KLRD1: variants seen among roughly 807,000 people sequenced by gnomAD.
The protein encoded by KLRD1 is natural killer cells antigen CD94.
In KLRD1, 21 loss-of-function variants were observed where a neutral mutation model predicts 22.6. The ratio of observed to expected loss-of-function variants is 0.93; its 90% CI spans 0.66 to 1.34. The LOEUF (loss-of-function observed/expected upper bound fraction) is 1.34. Among genes scored for constraint, KLRD1 ranks in the 40% most tolerant of loss-of-function variants. The pLI, the probability that KLRD1 is intolerant of heterozygous loss-of-function variation, is 0.00. For synonymous variants in KLRD1, 59 were observed against 71.1 expected (o/e 0.83, Z 0.85); for missense variants, 183 against 208.6 (o/e 0.88, Z 0.76).
At chr12:10,296,389 A>G (rs1415410510) in intron 1 of KLRD1, among the ~76,000 whole-genome samples, 2 of 151,978 alleles carry the variant, frequency 1.3e-5, no homozygotes, top group African/African-American at 2.4e-5. Context: ...GGTGGCGGAC[A>G]CCTGTAATCC....
chr12:10,311,392 G>T, intron 3 of KLRD1, 72 bp from the exon 4 acceptor site: 1 of 1,417,806 alleles, frequency 7.1e-7, no homozygotes, highest in Non-Finnish European at 9.8e-7. Flanking sequence ...AATAATTTTT[G>T]AATAATTAAA....
chr12:10,295,031 A>G (rs2617128), intron 1 of KLRD1, among the ~76,000 whole-genome samples: 137,496 of 152,184 alleles, frequency 0.9, 62,368 homozygotes, highest in Middle Eastern at 0.95. Context: ...GAAATGTTCT[A>G]TTTCTCGACT....
At chr12:10,300,587 G>A (rs1277779088), upstream of KLRD1, among the ~76,000 whole-genome samples, 1 of 152,154 alleles carries the variant, frequency 6.6e-6, no homozygotes, top group East Asian at 1.9e-4. Flanking sequence ...AGGCCCTAAA[G>A]TTTCAGAAAA....
chr12:10,303,560 G>C (rs73251088), upstream of KLRD1, among the ~76,000 whole-genome samples: 24 of 152,226 alleles, frequency 1.6e-4, 1 homozygote, highest in South Asian at 1.2e-3. Flanking sequence ...CTTTACAGAT[G>C]TAATTTTCCT....
intron 1 of KLRD1, among the ~76,000 whole-genome samples, chr12:10,246,088 C>A (rs574833855): frequency 1.3e-5 from 2 of 152,260 alleles, no homozygotes; most frequent in East Asian, 1.9e-4. Context: ...ATTGAGAGGG[C>A]AAATTTTATA....
Position 10,268,888 on chromosome 12 carries a change from T to A in KLRD1, c.-100-39090T>A, listed in dbSNP as rs536492544. On this transcript the variant is annotated intron_variant, in intron 1 of 5. Transcript: ENST00000544747. ...ATCTCTTGATAAGTGAACAAATTTT[T>A]ATCCCCAAGTTAAACCAGAATTTTA... 2.7e-4 allele frequency among the ~76,000 whole-genome samples: 41 copies of A among 152,362 alleles called. 1 individual carries two copies. The highest frequency in any genetic ancestry group is 9.6e-4 in the African/African-American group (40 of 41,584).
At chr12:10,245,026 C>A (rs1463746612) in intron 1 of KLRD1, among the ~76,000 whole-genome samples, 1 of 152,056 alleles carries the variant, frequency 6.6e-6, no homozygotes, top group Non-Finnish European at 1.5e-5. Context: ...TTACTATGTA[C>A]ATTTTACATA....
At chr12:10,284,467 G>A (rs7297855) in intron 1 of KLRD1, among the ~76,000 whole-genome samples, 6,404 of 152,124 alleles carry the variant, frequency 0.042, 397 homozygotes, top group African/African-American at 0.13. Flanking sequence ...CCAAATCTCT[G>A]TAAACAAAAT....
chr12:10,273,570 T>G (rs1949567497), intron 1 of KLRD1, among the ~76,000 whole-genome samples: 1 of 152,198 alleles, frequency 6.6e-6, no homozygotes, highest in South Asian at 2.1e-4. Flanking sequence ...TAACCACAGG[T>G]CAACTGCCCT....
At chr12:10,257,602 TTTG>T (rs1423900111) in intron 1 of KLRD1, among the ~76,000 whole-genome samples, 1 of 151,504 alleles carries the variant, frequency 6.6e-6, no homozygotes, top group Non-Finnish European at 1.5e-5. Context: ...ATATTCTCAT[TTTG>T]TTCTATGTAT....
chr12:10,256,991 GT>G (rs931439630), intron 1 of KLRD1, among the ~76,000 whole-genome samples: 2 of 138,844 alleles, frequency 1.4e-5, no homozygotes, highest in African/African-American at 2.5e-5. Context: ...TTGATTGACA[GT>G]TTTTTTTAAT....
chr12:10,258,312 G>A (rs1388743744), intron 1 of KLRD1, among the ~76,000 whole-genome samples: 1 of 152,036 alleles, frequency 6.6e-6, no homozygotes, highest in Non-Finnish European at 1.5e-5. Flanking sequence ...TTTTTATCTT[G>A]TATCATGAGT....
At chr12:10,257,591 G>A (rs1019004214) in intron 1 of KLRD1, among the ~76,000 whole-genome samples, 2 of 135,150 alleles carry the variant, frequency 1.5e-5, no homozygotes, top group African/African-American at 5.6e-5. Flanking sequence ...TCTATTTGTT[G>A]ATATTCTCAT....
chr12:10,305,519 A>G (rs1381058007), upstream of KLRD1, among the ~76,000 whole-genome samples: 2 of 152,198 alleles, frequency 1.3e-5, no homozygotes, highest in Admixed American at 1.3e-4. Flanking sequence ...ACATAACACT[A>G]TTGAGTAATT....
chr12:10,301,437 C>A (rs1220925287), upstream of KLRD1, among the ~76,000 whole-genome samples: 1 of 152,180 alleles, frequency 6.6e-6, no homozygotes, highest in Non-Finnish European at 1.5e-5. Context: ...TTACCCTGAT[C>A]AGTAGATGAT....
intron 1 of KLRD1, among the ~76,000 whole-genome samples, chr12:10,250,584 A>G: frequency 6.6e-6 from 1 of 152,046 alleles, no homozygotes; most frequent in Admixed American, 6.5e-5. Flanking sequence ...CAGCCTCCAG[A>G]GCAGCTGGGA....
chr12:10,243,310 C>T (rs1016372023), intron 1 of KLRD1, among the ~76,000 whole-genome samples: 4 of 151,818 alleles, frequency 2.6e-5, no homozygotes, highest in South Asian at 2.1e-4. Flanking sequence ...AATAATTTTT[C>T]GGTTAAAAGA....
chr12:10,276,510 G>A (rs1163563941), intron 1 of KLRD1, among the ~76,000 whole-genome samples: 3 of 151,996 alleles, frequency 2.0e-5, no homozygotes, highest in African/African-American at 7.2e-5. Context: ...TCTTGGTATT[G>A]AGAATAAGAA....
chr12:10,249,967 A>G (rs985498306), intron 1 of KLRD1, among the ~76,000 whole-genome samples: 5 of 152,144 alleles, frequency 3.3e-5, no homozygotes, highest in African/African-American at 1.2e-4. Context: ...CAACTCTAAC[A>G]AAGTGAGGAG....
Sources: gnomAD v4.1 joint callset for allele counts (sites outside exome capture counted in the v4.1 genomes callset) on GRCh38, gnomAD v4.1.1 for gene constraint, MANE v1.5 for transcripts, NCBI Gene and HGNC (gene_info 2026-07-23, HGNC 2026-07-21) for gene names.